The following MYOCD variants were observed in gnomAD, a reference collection of about 807,000 sequenced individuals.
MYOCD encodes the protein myocardin.
A neutral mutation model predicts 96.1 loss-of-function variants in MYOCD; 32 were observed. That is an observed-to-expected ratio of 0.33 (90% CI 0.25 to 0.45). The LOEUF (loss-of-function observed/expected upper bound fraction) is 0.45. Ranked by LOEUF, MYOCD falls within the 20% of genes least tolerant of loss-of-function variation. The pLI, the probability that MYOCD is intolerant of heterozygous loss-of-function variation, is 1.00. For missense variants in MYOCD, 1,133 were observed against 1,200.6 expected, an observed-to-expected ratio of 0.94 and a Z score of 0.83; for synonymous variants, 469 against 469.0, an observed-to-expected ratio of 1.00 and a Z score of 0.00.
intron 1 of MYOCD, among the ~76,000 whole-genome samples, chr17:12,671,128 G>A (rs1909685478): frequency 6.6e-6 from 1 of 152,060 alleles, no homozygotes; most frequent in South Asian, 2.1e-4. Flanking sequence ...ATTATTACTT[G>A]TTTATTCGTG....
chr17:12,697,356 TA>T (rs1260478518), intron 1 of MYOCD, among the ~76,000 whole-genome samples: 311 of 83,374 alleles, frequency 3.7e-3, no homozygotes, highest in Non-Finnish European at 4.9e-3. Flanking sequence ...TATATATATA[TA>T]TATTTTTTTT....
At chr17:12,761,074 T>A (rs1295000689) in intron 13 of MYOCD, 1 of 180,346 alleles carries the variant, frequency 5.5e-6, no homozygotes, top group Non-Finnish European at 1.2e-5. Context: ...AATGAACATT[T>A]TGTGCTACCT....
chr17:12,755,366 T>C (rs984034265), intron 10 of MYOCD, among the ~76,000 whole-genome samples: 1 of 152,134 alleles, frequency 6.6e-6, no homozygotes, highest in Non-Finnish European at 1.5e-5. Context: ...ATCCTAGCAC[T>C]TTGGGAGGCC....
At chr17:12,737,264 A>C (rs200151991) in intron 6 of MYOCD, among the ~76,000 whole-genome samples, 1 of 151,184 alleles carries the variant, frequency 6.6e-6, no homozygotes, top group Non-Finnish European at 1.5e-5. Flanking sequence ...TCAAAGGGGG[A>C]AAAAAAAAGA....
chr17:12,721,318 T>A (rs1042009759), intron 4 of MYOCD, among the ~76,000 whole-genome samples: 2 of 152,126 alleles, frequency 1.3e-5, no homozygotes, highest in East Asian at 3.9e-4. Flanking sequence ...GCATAAAAGA[T>A]CTGCTAGATA....
chr17:12,745,818 T>C, intron 8 of MYOCD, 101 bp from the exon 9 acceptor site: 2 of 1,259,730 alleles, frequency 1.6e-6, no homozygotes, highest in East Asian at 2.3e-5. Context: ...GTTTATTACA[T>C]GCCTGACCCT....
At chr17:12,715,120 A>G (rs1233857) in intron 2 of MYOCD, among the ~76,000 whole-genome samples, 106,406 of 151,836 alleles carry the variant, frequency 0.7, 37,919 homozygotes, top group Non-Finnish European at 0.76. Flanking sequence ...GTCATCCCCC[A>G]AGCCTTTTGC....
chr17:12,760,317 G>C (rs548441414), intron 12 of MYOCD: 5 of 325,642 alleles, frequency 1.5e-5, no homozygotes, highest in Non-Finnish European at 3.0e-5. Flanking sequence ...CGTAAAGGCA[G>C]AAAGGAAAAT....
At chr17:12,749,583 A>G (rs2032770400) in intron 9 of MYOCD, among the ~76,000 whole-genome samples, 1 of 145,620 alleles carries the variant, frequency 6.9e-6, no homozygotes, top group South Asian at 2.1e-4. Context: ...TATATACAAA[A>G]CCTATATATA....
chr17:12,754,095 T>TGTGTGTGTGTG (rs1555535687), intron 10 of MYOCD, among the ~76,000 whole-genome samples: 2 of 150,780 alleles, frequency 1.3e-5, no homozygotes, highest in Non-Finnish European at 3.0e-5. Context: ...TGTGTGTGTG[T>TGTGTGTGTGTG]AGTTTGGAAG....
intron 7 of MYOCD, among the ~76,000 whole-genome samples, chr17:12,741,344 G>A (rs563421374): frequency 1.6e-3 from 242 of 152,210 alleles, no homozygotes; most frequent in African/African-American, 5.2e-3. Flanking sequence ...GATGAGTCCC[G>A]TTATTTCTAA....
Position 12,693,177 on chromosome 17 carries a change from T to C in MYOCD, c.56-11951T>C, listed in dbSNP as rs376504011. On this transcript the variant is annotated intron_variant, in intron 1 of 13. Transcript: ENST00000425538. Reference sequence around the variant, plus strand: ...ATGATTATAGAATATTAAGGGAACATATTTTCCCTTCTTTAGGAAGGTACA... The same window carrying C: ...ATGATTATAGAATATTAAGGGAACACATTTTCCCTTCTTTAGGAAGGTACA... 3.3e-5 allele frequency among the ~76,000 whole-genome samples: 5 copies of C among 152,290 alleles called. No individual in the cohort carries two copies. In the East Asian group the frequency reaches 9.6e-4, roughly 29 times the overall value.
intron 9 of MYOCD, among the ~76,000 whole-genome samples, chr17:12,749,484 G>A (rs2032763721): frequency 2.0e-5 from 3 of 150,914 alleles, no homozygotes. Flanking sequence ...AGCTGAGATC[G>A]CACCACTACA....
At position 12,745,906 on chromosome 17, in the gene MYOCD, G is replaced by A. The variant is rs781414156; in HGVS notation, c.972-13G>A. ...TTGATTGTACTTGAAATGCCTCTTT[G>A]TTTGTTTTTTAGGGAACCAAATGAA... On this transcript the variant is annotated splice_polypyrimidine_tract_variant and intron_variant, in intron 8 of 13. Coordinates refer to ENST00000425538, the MANE Select transcript of MYOCD (RefSeq NM_001146312.3). The A allele has an allele frequency of 7.4e-6, 12 of 1,612,994 alleles. No individual in the cohort carries two copies. The highest frequency in any genetic ancestry group is 3.3e-5 in the Admixed American group (2 of 59,840).
intron 3 of MYOCD, 50 bp from the exon 4 acceptor site, chr17:12,717,296 A>C (rs1385081136): frequency 7.5e-7 from 1 of 1,324,888 alleles, no homozygotes; most frequent in East Asian, 2.3e-5. Context: ...AGATAAATTG[A>C]GTTTTTTAAA....
chr17:12,753,869 A>G (rs2032933758), intron 10 of MYOCD, among the ~76,000 whole-genome samples: 1 of 152,224 alleles, frequency 6.6e-6, no homozygotes, highest in South Asian at 2.1e-4. Flanking sequence ...TGGTCTGCAT[A>G]GTGCAAACAT....
At chr17:12,727,961 A>G (rs2032048743) in intron 5 of MYOCD, among the ~76,000 whole-genome samples, 2 of 152,148 alleles carry the variant, frequency 1.3e-5, no homozygotes, top group Non-Finnish European at 2.9e-5. Context: ...CATCACCCTA[A>G]AATGACATTC....
At chr17:12,717,244 T>G in intron 3 of MYOCD, 102 bp from the exon 4 acceptor site, 1 of 844,234 alleles carries the variant, frequency 1.2e-6, no homozygotes, top group African/African-American at 1.7e-5. Context: ...AAGAATATTT[T>G]CATGTTTCAT....
At chr17:12,698,964 G>T (rs1453829440) in intron 1 of MYOCD, among the ~76,000 whole-genome samples, 1 of 151,396 alleles carries the variant, frequency 6.6e-6, no homozygotes, top group Non-Finnish European at 1.5e-5. Context: ...GGATGGTCTC[G>T]ATCTCCTGAC....
Sources: gnomAD v4.1 joint callset for allele counts (sites outside exome capture counted in the v4.1 genomes callset) on GRCh38, gnomAD v4.1.1 for gene constraint, MANE v1.5 for transcripts, NCBI Gene and HGNC (gene_info 2026-07-23, HGNC 2026-07-21) for gene names.